The following AIG1 variants were observed in gnomAD, a reference collection of about 807,000 sequenced individuals.
AIG1 encodes the protein androgen induced 1.
A neutral mutation model predicts 31.4 loss-of-function variants in AIG1; 23 were observed. The ratio of observed to expected loss-of-function variants is 0.73; its 90% confidence interval spans 0.53 to 1.04. The LOEUF (loss-of-function observed/expected upper bound fraction) is 1.04. AIG1 is among the 50% of genes least tolerant of loss of function. The probability of loss-of-function intolerance (pLI) is 0.00; values close to 1 mark genes in which losing one functional copy is unlikely to be tolerated. For missense variants in AIG1, 274 were observed against 295.0 expected (o/e 0.93, Z 0.52); for synonymous variants, 100 against 110.5 (o/e 0.90, Z 0.60).
At chr6:143,307,851 G>T (rs1222403917) in intron 4 of AIG1, among the ~76,000 whole-genome samples, 2 of 152,244 alleles carry the variant, frequency 1.3e-5, no homozygotes, top group African/African-American at 4.8e-5. Flanking sequence ...AGCTGTGGTG[G>T]GCTCCACCCA....
At chr6:143,093,964 A>G (rs1779530597) in intron 1 of AIG1, 1 of 152,192 alleles carries the variant, frequency 6.6e-6, no homozygotes, top group South Asian at 2.1e-4. Flanking sequence ...TAACAGATAT[A>G]ATAATAATGA....
intron 2 of AIG1, among the ~76,000 whole-genome samples, chr6:143,142,220 C>T (rs926449131): frequency 6.6e-6 from 1 of 151,990 alleles, no homozygotes; most frequent in Non-Finnish European, 1.5e-5. Context: ...TACAGGCATG[C>T]ACCACTATGC....
chr6:143,094,568 C>T (rs772929706), intron 1 of AIG1, among the ~76,000 whole-genome samples: 1 of 152,074 alleles, frequency 6.6e-6, no homozygotes, highest in Non-Finnish European at 1.5e-5. Flanking sequence ...TGGAGGCCTA[C>T]AAAGCACTAT....
chr6:143,152,507 T>C (rs1465397572), intron 2 of AIG1, among the ~76,000 whole-genome samples: 2 of 152,204 alleles, frequency 1.3e-5, no homozygotes, highest in African/African-American at 4.8e-5. Context: ...TTCCCTAACA[T>C]ATTAAAAGGT....
chr6:143,182,083 TG>T (rs1788781699), intron 3 of AIG1, among the ~76,000 whole-genome samples: 1 of 152,170 alleles, frequency 6.6e-6, no homozygotes, highest in African/African-American at 2.4e-5. Context: ...TGAAGTGCAT[TG>T]GTGCAGTCAT....
intron 3 of AIG1, among the ~76,000 whole-genome samples, chr6:143,274,531 T>C (rs1045217876): frequency 3.9e-5 from 6 of 152,350 alleles, no homozygotes; most frequent in African/African-American, 9.6e-5. Context: ...CAAGATCCTA[T>C]ACATGCAACC....
intron 1 of AIG1, among the ~76,000 whole-genome samples, chr6:143,077,858 C>T (rs184411082): frequency 6.6e-5 from 10 of 152,244 alleles, no homozygotes; most frequent in South Asian, 2.1e-4. Flanking sequence ...GCTTTGAAGC[C>T]GCCACTTAAT....
chr6:143,101,299 T>C (rs1231295328), intron 1 of AIG1, among the ~76,000 whole-genome samples: 6 of 152,008 alleles, frequency 3.9e-5, no homozygotes, highest in Admixed American at 6.6e-5. Flanking sequence ...AATTCCAGTA[T>C]GAGTAGCCTG....
At chr6:143,104,406 C>T (rs1780609390) in intron 1 of AIG1, among the ~76,000 whole-genome samples, 1 of 152,214 alleles carries the variant, frequency 6.6e-6, no homozygotes, top group South Asian at 2.1e-4. Flanking sequence ...ATTCCTTTCT[C>T]CATGGGAGTC....
At chr6:143,126,547 A>T (rs1782702108) in intron 1 of AIG1, among the ~76,000 whole-genome samples, 1 of 152,234 alleles carries the variant, frequency 6.6e-6, no homozygotes, top group African/African-American at 2.4e-5. Flanking sequence ...TCCCTTGAAG[A>T]TGGTGTTTTA....
intron 1 of AIG1, among the ~76,000 whole-genome samples, chr6:143,080,294 AG>A (rs1778113716): frequency 9.9e-5 from 15 of 152,182 alleles, no homozygotes; most frequent in Admixed American, 8.5e-4. Context: ...CTAGCAGGCC[AG>A]TCCAGGGGTC....
At chr6:143,067,518 T>C (rs1776822096) in intron 1 of AIG1, among the ~76,000 whole-genome samples, 1 of 152,210 alleles carries the variant, frequency 6.6e-6, no homozygotes, top group South Asian at 2.1e-4. Flanking sequence ...TTAGACATGC[T>C]GAGAATTTTT....
chr6:143,085,788 T>C (rs1562359662), intron 1 of AIG1, among the ~76,000 whole-genome samples: 1 of 152,222 alleles, frequency 6.6e-6, no homozygotes, highest in South Asian at 2.1e-4. Context: ...TGAATACCCA[T>C]TGTGGTTTTT....
At chr6:143,244,746 T>C (rs1483521408) in intron 3 of AIG1, among the ~76,000 whole-genome samples, 1 of 152,224 alleles carries the variant, frequency 6.6e-6, no homozygotes, top group Non-Finnish European at 1.5e-5. Context: ...TCTTGGGATC[T>C]CAGTGTCTTA....
At chr6:143,132,473 G>A (rs1269565809) in intron 1 of AIG1, among the ~76,000 whole-genome samples, 5 of 151,698 alleles carry the variant, frequency 3.3e-5, no homozygotes, top group African/African-American at 1.2e-4. Context: ...ATGGTGATAT[G>A]TTTTTTTTCC....
At chr6:143,068,559 G>A (rs1243709861) in intron 1 of AIG1, among the ~76,000 whole-genome samples, 1 of 152,210 alleles carries the variant, frequency 6.6e-6, no homozygotes, top group African/African-American at 2.4e-5. Context: ...CACTCACATT[G>A]TCTTATATTT....
At chr6:143,342,419 T>G (rs534056487), downstream of AIG1, 1 of 745,814 alleles carries the variant, frequency 1.3e-6, no homozygotes, top group African/African-American at 1.7e-5. Flanking sequence ...AAGAACCCAG[T>G]AAGGTTGAAC....
rs190462484 is a variant in AIG1, at chr6:143,276,768, G to A, written c.400-7342G>A. Among the ~76,000 whole-genome samples the A allele has an allele frequency of 8.0e-4, 122 of 152,258 alleles. 1 individual carries two copies. The highest frequency in any genetic ancestry group is 1.8e-4 in the Non-Finnish European group (12 of 68,018). ...GCAGATTTTGAGCTGACCAATTAGC[G>A]AAATTAATAATGATAGTTTCAAGAT... On this transcript the variant is annotated intron_variant, in intron 3 of 5. Coordinates refer to ENST00000357847, the MANE Select transcript of AIG1 (RefSeq NM_016108.4).
upstream of AIG1, chr6:143,060,865 C>T: frequency 8.4e-7 from 1 of 1,194,014 alleles, no homozygotes; most frequent in Non-Finnish European, 1.0e-6. Context: ...CCCCCGCGCG[C>T]CCGGCGCCTC....
Sources: gnomAD v4.1 joint callset for allele counts (sites outside exome capture counted in the v4.1 genomes callset) on GRCh38, gnomAD v4.1.1 for gene constraint, MANE v1.5 for transcripts, NCBI Gene and HGNC (gene_info 2026-07-23, HGNC 2026-07-21) for gene names.